The following ZCCHC7 variants were observed in gnomAD, a reference collection of about 807,000 sequenced individuals.
ZCCHC7 encodes zinc finger CCHC domain-containing protein 7.
Under a neutral mutation model 52.0 loss-of-function variants are expected in ZCCHC7, and 35 were observed. That is an observed-to-expected ratio of 0.67 (90% CI 0.51 to 0.89). The LOEUF (loss-of-function observed/expected upper bound fraction) is 0.89. ZCCHC7 is among the 40% of genes least tolerant of loss of function. The pLI, the probability that ZCCHC7 is intolerant of heterozygous loss-of-function variation, is 0.00. For synonymous variants in ZCCHC7, 217 were observed against 221.5 expected, an observed-to-expected ratio of 0.98 and a Z score of 0.18; for missense variants, 574 against 649.1, an observed-to-expected ratio of 0.88 and a Z score of 1.26.
chr9:37,168,765 A>G (rs1405103925), intron 2 of ZCCHC7, among the ~76,000 whole-genome samples: 1 of 152,096 alleles, frequency 6.6e-6, no homozygotes, highest in East Asian at 1.9e-4. Context: ...ATATTTGAGG[A>G]GTAGAAAATT....
intron 2 of ZCCHC7, among the ~76,000 whole-genome samples, chr9:37,231,711 A>T (rs1200901242): frequency 6.6e-6 from 1 of 152,140 alleles, no homozygotes; most frequent in East Asian, 1.9e-4. Context: ...TCAAGTATTT[A>T]TCATTTAAAA....
chr9:37,284,010 CCT>C (rs1828093874), intron 2 of ZCCHC7, among the ~76,000 whole-genome samples: 1 of 151,978 alleles, frequency 6.6e-6, no homozygotes, highest in Admixed American at 6.6e-5. Flanking sequence ...ACTGAAATTT[CCT>C]CTGTTGTGTA....
At chr9:37,306,762 CTTTTTTTTTTTTTTTTTTTTTTT>C (rs869292704) in intron 5 of ZCCHC7, among the ~76,000 whole-genome samples, 567 of 52,006 alleles carry the variant, frequency 0.011, 9 homozygotes, top group Non-Finnish European at 0.014. Flanking sequence ...TGTACCCGAC[CTTTTTTTTTTTTTTTTTTTTTTT>C]TTTTTTTTTT....
At chr9:37,348,466 G>A (rs973203189) in intron 6 of ZCCHC7, among the ~76,000 whole-genome samples, 15 of 151,542 alleles carry the variant, frequency 9.9e-5, no homozygotes, top group Admixed American at 5.9e-4. Context: ...TGCAACCTCC[G>A]ACTCCCAGGT....
At chr9:37,277,678 A>G (rs1234456630) in intron 2 of ZCCHC7, among the ~76,000 whole-genome samples, 1 of 152,156 alleles carries the variant, frequency 6.6e-6, no homozygotes, top group Non-Finnish European at 1.5e-5. Flanking sequence ...CGGAAATCCC[A>G]ATTCTTACTG....
chr9:37,173,353 C>G lies in ZCCHC7; in HGVS notation c.610+46411C>G, dbSNP rs1011103254. On this transcript the variant is annotated intron_variant, in intron 2 of 8. Coordinates refer to ENST00000336755, the MANE Select transcript of ZCCHC7 (RefSeq NM_032226.3). Reference sequence around the variant, plus strand: ...TAACCAGAATAAGAAAATGTACTTGCAGACTACTGTAGTTAACTGTTCATA... The same window carrying G: ...TAACCAGAATAAGAAAATGTACTTGGAGACTACTGTAGTTAACTGTTCATA... Among the ~76,000 whole-genome samples, 5 of 152,182 alleles carry G rather than the reference C, an allele frequency of 3.3e-5. No homozygotes were observed. In the East Asian group the frequency reaches 9.6e-4, roughly 29 times the overall value.
rs755342213 is a variant in ZCCHC7 at position 37,253,466 on chromosome 9, G to A, written c.611-48722G>A. On this transcript the variant is annotated intron_variant, in intron 2 of 8. Coordinates refer to ENST00000336755, the MANE Select transcript of ZCCHC7 (RefSeq NM_032226.3). ...TTATGGTTATTATTTTTATTTTACCGATCCACTTTTTCTTTATCTATGTAC... is the reference window on the plus strand; with the variant it reads ...TTATGGTTATTATTTTTATTTTACCAATCCACTTTTTCTTTATCTATGTAC... Among the ~76,000 whole-genome samples, 19 of 151,712 alleles carry A rather than the reference G, an allele frequency of 1.3e-4. No individual in the cohort carries two copies. In the East Asian group the frequency reaches 1.3e-3, roughly 11 times the overall value.
chr9:37,238,322 T>C (rs1447786014), intron 2 of ZCCHC7, among the ~76,000 whole-genome samples: 5 of 152,210 alleles, frequency 3.3e-5, no homozygotes, highest in Non-Finnish European at 7.4e-5. Context: ...GTTTGACATA[T>C]TCCTGATTTT....
chr9:37,294,206 G>T (rs1333972781), intron 2 of ZCCHC7, among the ~76,000 whole-genome samples: 1 of 152,174 alleles, frequency 6.6e-6, no homozygotes, highest in Non-Finnish European at 1.5e-5. Flanking sequence ...GCCCTCAGGG[G>T]ATTTGAATGT....
intron 2 of ZCCHC7, among the ~76,000 whole-genome samples, chr9:37,300,009 C>T (rs1386150114): frequency 6.6e-6 from 1 of 152,124 alleles, no homozygotes; most frequent in Non-Finnish European, 1.5e-5. Flanking sequence ...TTCCACAGGG[C>T]TGACGGGAAC....
chr9:37,328,910 C>G (rs921409389), intron 6 of ZCCHC7, among the ~76,000 whole-genome samples: 2 of 151,866 alleles, frequency 1.3e-5, no homozygotes, highest in African/African-American at 4.8e-5. Context: ...TTCCTCAAAT[C>G]TCAAATTAGG....
intron 2 of ZCCHC7, among the ~76,000 whole-genome samples, chr9:37,174,903 G>A (rs902560029): frequency 6.6e-6 from 1 of 151,890 alleles, no homozygotes; most frequent in Non-Finnish European, 1.5e-5. Flanking sequence ...TTGGGAGGCC[G>A]AGGCAGGCAG....
intron 2 of ZCCHC7, among the ~76,000 whole-genome samples, chr9:37,218,210 A>G (rs1234717182): frequency 6.6e-6 from 1 of 152,200 alleles, no homozygotes; most frequent in Non-Finnish European, 1.5e-5. Context: ...AGATCTAAGT[A>G]TAAAGATTCT....
At chr9:37,178,483 TAGAA>T (rs1004578340) in intron 2 of ZCCHC7, among the ~76,000 whole-genome samples, 30 of 136,908 alleles carry the variant, frequency 2.2e-4, no homozygotes, top group African/African-American at 8.0e-4. Context: ...AAAGAGAAAG[TAGAA>T]AGAGAGGAAA....
At chr9:37,252,379 C>G (rs1240843674) in intron 2 of ZCCHC7, among the ~76,000 whole-genome samples, 1 of 152,096 alleles carries the variant, frequency 6.6e-6, no homozygotes, top group Non-Finnish European at 1.5e-5. Flanking sequence ...ATATGCATCC[C>G]AAATGAGCCA....
At chr9:37,294,447 A>G (rs145852397) in intron 2 of ZCCHC7, among the ~76,000 whole-genome samples, 3 of 152,324 alleles carry the variant, frequency 2.0e-5, no homozygotes, top group East Asian at 1.9e-4. Context: ...AAGCATGATT[A>G]TCTATAAACA....
chr9:37,231,832 A>G (rs910678939), intron 2 of ZCCHC7, among the ~76,000 whole-genome samples: 3 of 152,170 alleles, frequency 2.0e-5, no homozygotes, highest in African/African-American at 7.2e-5. Flanking sequence ...TCAGCAAGTG[A>G]TAGTTGACCT....
chr9:37,268,728 A>G (rs1167087149), intron 2 of ZCCHC7, among the ~76,000 whole-genome samples: 1 of 152,144 alleles, frequency 6.6e-6, no homozygotes, highest in Non-Finnish European at 1.5e-5. Context: ...GCCCGGCCGC[A>G]AAATTTCTAC....
At chr9:37,159,459 T>G (rs1820978395) in intron 2 of ZCCHC7, among the ~76,000 whole-genome samples, 1 of 152,190 alleles carries the variant, frequency 6.6e-6, no homozygotes, top group Admixed American at 6.5e-5. Context: ...ACTTTAGTAT[T>G]TCAAAACAAA....
Sources: gnomAD v4.1 joint callset for allele counts (sites outside exome capture counted in the v4.1 genomes callset) on GRCh38, gnomAD v4.1.1 for gene constraint, MANE v1.5 for transcripts, NCBI Gene and HGNC (gene_info 2026-07-23, HGNC 2026-07-21) for gene names.